The following LRCH3 variants were observed in gnomAD, a reference collection of about 807,000 sequenced individuals.
LRCH3 encodes the protein DISP complex protein LRCH3.
In LRCH3, 68 loss-of-function variants were observed where a neutral mutation model predicts 104.5. That is an observed-to-expected ratio of 0.65 (90% CI 0.54 to 0.80). LRCH3 has a LOEUF of 0.80. Among genes scored for constraint, LRCH3 ranks in the 30% least tolerant of loss-of-function variants. The pLI is 0.00. For synonymous variants in LRCH3, 344 were observed against 361.3 expected (o/e 0.95, Z 0.54); for missense variants, 951 against 953.9 (o/e 1.00, Z 0.04).
At chr3:197,865,005 AAGAG>A (rs954675181) in intron 15 of LRCH3, among the ~76,000 whole-genome samples, 14 of 152,082 alleles carry the variant, frequency 9.2e-5, no homozygotes, top group African/African-American at 1.4e-4. Context: ...GTCTCAAAAA[AAGAG>A]AGAGAGAGGG....
intron 10 of LRCH3, among the ~76,000 whole-genome samples, chr3:197,840,539 C>G (rs1233810616): frequency 6.6e-6 from 1 of 152,204 alleles, no homozygotes; most frequent in Non-Finnish European, 1.5e-5. Context: ...CAGAATGTTT[C>G]TTGCCATGAA....
chr3:197,820,837 A>T (rs115412157), intron 4 of LRCH3, among the ~76,000 whole-genome samples: 2,568 of 151,076 alleles, frequency 0.017, 39 homozygotes, highest in Middle Eastern at 0.061. Flanking sequence ...AGAGAGAGAG[A>T]GTGTGTGTGT....
rs187939174 is a variant in LRCH3 at position 197,809,665 on chromosome 3, T to A, written c.263-5243T>A. Among the ~76,000 whole-genome samples, 37 of 152,226 alleles carry A rather than the reference T, an allele frequency of 2.4e-4. No individual in the cohort carries two copies. In the East Asian group the frequency reaches 5.8e-3, roughly 24 times the overall value. On this transcript the variant is annotated intron_variant, in intron 1 of 20. Transcript: ENST00000425562. ...GTTCTGTCTTGCAGCTCACTGATTC[T>A]TTCCTCTCTGCCCTCCGCTCTGCTG...
intron 8 of LRCH3, among the ~76,000 whole-genome samples, chr3:197,832,841 CAG>C (rs765994902): frequency 6.6e-6 from 1 of 152,150 alleles, no homozygotes; most frequent in Non-Finnish European, 1.5e-5. Context: ...ACTTCCGAAG[CAG>C]ACTCTTGATT....
Position 197,882,527 on chromosome 3 carries a change from AACAAAAAAC to A in LRCH3, c.2209-1012_2209-1004del, listed in dbSNP as rs1182493063. 68 of 941,006 alleles carry A rather than the reference AACAAAAAAC, an allele frequency of 7.2e-5. 1 individual carries two copies. The African/African-American group carries it at 1.1e-3, about 15-fold the overall frequency. The allele number at this position is 941,006 out of a possible 1,614,324, so 58.3% of individuals were successfully genotyped here. ...CGTCTCAATGAAAAGCAAAACAAAA[AACAAAAAAC>A]AAAAAAACCCAACTAGTTGTTTTAA... On this transcript the variant is annotated intron_variant, in intron 20 of 20. Coordinates refer to ENST00000425562, the MANE Select transcript of LRCH3 (RefSeq NM_001365715.1).
rs908752493 is a variant in LRCH3, at chr3:197,883,301, C to A, written c.2209-240C>A. ...GTATGTATAGATATATGCTACTTGTCAATTTTCCAATTTTGAAAATGATCT... is the reference window on the plus strand; with the variant it reads ...GTATGTATAGATATATGCTACTTGTAAATTTTCCAATTTTGAAAATGATCT... On this transcript the variant is annotated intron_variant, in intron 20 of 20. Transcript: ENST00000425562. The surrounding 1 kb of genome is among the most constrained non-coding windows in gnomAD (Gnocchi z 4.2). 1.6e-4 allele frequency: 210 copies of A among 1,288,780 alleles called. No homozygotes were observed. The highest frequency in any genetic ancestry group is 1.3e-4 in the Non-Finnish European group (130 of 1,015,056). 79.8% of individuals were successfully genotyped at this position (1,288,780 alleles called of 1,614,324 possible).
chr3:197,858,091 C>G (rs1740487231), intron 14 of LRCH3, among the ~76,000 whole-genome samples: 1 of 152,084 alleles, frequency 6.6e-6, no homozygotes, highest in African/African-American at 2.4e-5. Context: ...ATCCAGGGCT[C>G]TTTGTGAAAG....
intron 3 of LRCH3, among the ~76,000 whole-genome samples, chr3:197,819,055 G>A (rs567842367): frequency 5.3e-5 from 8 of 150,732 alleles, no homozygotes; most frequent in Middle Eastern, 3.4e-3. Context: ...GAACCTGGGA[G>A]GCAGAGGTTG....
chr3:197,798,687 G>A (rs1024425193), intron 1 of LRCH3, among the ~76,000 whole-genome samples: 14 of 152,198 alleles, frequency 9.2e-5, no homozygotes, highest in Admixed American at 8.5e-4. Flanking sequence ...TTGGAAATAC[G>A]GACTAGAGTA....
chr3:197,809,512 T>C (rs946740652), intron 1 of LRCH3, among the ~76,000 whole-genome samples: 1 of 152,122 alleles, frequency 6.6e-6, no homozygotes, highest in African/African-American at 2.4e-5. Flanking sequence ...CTCCTTCTCT[T>C]TTGCCAGGAT....
At position 197,817,228 on chromosome 3, in the gene LRCH3, G is replaced by A. The variant is rs765031585; in HGVS notation, c.460G>A (p.Val154Ile). The A allele has an allele frequency of 1.9e-6, 3 of 1,610,274 alleles. No individual in the cohort carries two copies. In the South Asian group the frequency reaches 3.3e-5, roughly 18 times the overall value. Residue 154 changes from valine (V) to isoleucine (I), a missense_variant, in exon 3 of 21, where the codon GTC (valine) becomes ATC (isoleucine). Physicochemically the swap from Val to Ile is conservative, Grantham distance 29. Transcript: ENST00000425562. ...PVHLCNLPLK[V>I]LIASNNKLVS... ...ACACTTGTGTAATTTGCCATTGAAA[G>A]TCTTAATTGCTAGTAATAACAAATT...
chr3:197,863,365 G>A (rs776858920), intron 15 of LRCH3, among the ~76,000 whole-genome samples: 14 of 152,202 alleles, frequency 9.2e-5, no homozygotes, highest in Admixed American at 3.3e-4. Context: ...ATGTTCAAGC[G>A]ATTCTCCTGC....
chr3:197,817,317 T>G lies in LRCH3; in HGVS notation c.534+15T>G, dbSNP rs1199017168. 1 of 1,498,496 alleles carries G rather than the reference T, an allele frequency of 6.7e-7. No individual in the cohort carries two copies. The highest frequency in any genetic ancestry group is 9.0e-7 in the Non-Finnish European group (1 of 1,116,872). The allele number at this position is 1,498,496 out of a possible 1,614,324, so 92.8% of individuals were successfully genotyped here. On this transcript the variant is annotated intron_variant, in intron 3 of 20. Coordinates refer to ENST00000425562, the MANE Select transcript of LRCH3 (RefSeq NM_001365715.1). ...TGATGGAACTTGTAAGTTAATATTT[T>G]TGATTGTCCAACATGTGTGTGTGTG...
rs1178843676 is a variant in LRCH3 at position 197,856,539 on chromosome 3, C to T, written c.1644+2094C>T. The stretch of plus-strand genomic sequence containing the variant: ...GTAGCTGGGACTACGGGTGCATGCA[C>T]CACACGTGGCTAATTTTTTTATTTT... On this transcript the variant is annotated intron_variant, in intron 14 of 20. Coordinates refer to ENST00000425562, the MANE Select transcript of LRCH3 (RefSeq NM_001365715.1). The surrounding 1 kb of genome is among the most constrained non-coding windows in gnomAD (Gnocchi z 4.2). 6.6e-6 allele frequency among the ~76,000 whole-genome samples: 1 copy of T among 151,906 alleles called. No individual in the cohort carries two copies. Among genetic ancestry groups the T allele is most frequent in the Non-Finnish European group, 1.5e-5 (1 of 67,978 alleles).
intron 4 of LRCH3, among the ~76,000 whole-genome samples, chr3:197,823,770 C>G (rs1734774900): frequency 6.6e-6 from 1 of 152,180 alleles, no homozygotes; most frequent in Admixed American, 6.5e-5. Flanking sequence ...AGGCATGAGC[C>G]ACAGTGCCCA....
rs145226535 is a variant in LRCH3 at position 197,805,140 on chromosome 3, G to A, written c.263-9768G>A. On this transcript the variant is annotated intron_variant, in intron 1 of 20. Transcript: ENST00000425562. ...AACTCCCGACCTCAGTGATCTACCCGCCTTGGCCTCCCAAAGTGCTGGGAT... is the reference window on the plus strand; with the variant it reads ...AACTCCCGACCTCAGTGATCTACCCACCTTGGCCTCCCAAAGTGCTGGGAT... Among the ~76,000 whole-genome samples the A allele has an allele frequency of 3.3e-4, 50 of 152,232 alleles. No individual in the cohort carries two copies. In the South Asian group the frequency reaches 7.9e-3, roughly 24 times the overall value.
intron 19 of LRCH3, among the ~76,000 whole-genome samples, chr3:197,874,397 T>G (rs953043762): frequency 3.9e-5 from 6 of 152,220 alleles, no homozygotes; most frequent in African/African-American, 1.2e-4. Flanking sequence ...TATGAGAATC[T>G]AATGCCTGAT....
chr3:197,841,037 G>A (rs960998757), intron 10 of LRCH3, among the ~76,000 whole-genome samples: 1 of 152,190 alleles, frequency 6.6e-6, no homozygotes, highest in Non-Finnish European at 1.5e-5. Flanking sequence ...GTTACCTTAT[G>A]TGTTAGTTTT....
At chr3:197,835,528 A>C in intron 8 of LRCH3, 146 bp from the exon 9 acceptor site, 1 of 1,147,364 alleles carries the variant, frequency 8.7e-7, no homozygotes, top group Non-Finnish European at 1.1e-6. Flanking sequence ...AGACTTAAGT[A>C]ATTTAAAGTT....
Sources: gnomAD v4.1 joint callset for allele counts (sites outside exome capture counted in the v4.1 genomes callset) on GRCh38, gnomAD v4.1.1 for gene constraint, Gnocchi (gnomAD v3.1) non-coding constraint, MANE v1.5 for transcripts, NCBI Gene and HGNC (gene_info 2026-07-23, HGNC 2026-07-21) for gene names.